The following SLC8B1 variants were observed in gnomAD, a reference collection of about 807,000 sequenced individuals.
The protein encoded by SLC8B1 is mitochondrial sodium/calcium exchanger protein.
SLC8B1 carries 52 observed loss-of-function variants against 63.4 expected under a neutral mutation model. The ratio of observed to expected loss-of-function variants is 0.82; its 90% CI spans 0.66 to 1.03. The LOEUF is 1.03. SLC8B1 is among the 50% of genes least tolerant of loss of function. SLC8B1 has a pLI of 0.00. For synonymous variants in SLC8B1, 336 were observed against 323.9 expected, an observed-to-expected ratio of 1.04 and a Z score of -0.40; for missense variants, 657 against 741.7, an observed-to-expected ratio of 0.89 and a Z score of 1.33.
intron 10 of SLC8B1, 108 bp downstream of exon 10, chr12:113,316,418 G>A: frequency 1.5e-6 from 2 of 1,365,508 alleles, no homozygotes; most frequent in Non-Finnish European, 1.0e-6. Context: ...ATTCTGAGAG[G>A]GTCTCAGTGG....
rs564888747 is a variant in SLC8B1, at chr12:113,306,716, G to A, written c.1412-141C>T. ...AAGTGTGCCTGGGCACTAGCTGGTG[G>A]GGTGCTGTGTGAGGGGGCACAGCAT... On this transcript the variant is annotated intron_variant, in intron 13 of 15. Coordinates refer to ENST00000680972, the MANE Select transcript of SLC8B1 (RefSeq NM_001358345.2). 8.7e-5 allele frequency: 59 copies of A among 677,610 alleles called. 2 individuals carry two copies. The South Asian group carries it at 1.0e-3, about 12-fold the overall frequency. 42.0% of individuals were successfully genotyped at this position (677,610 alleles called of 1,614,324 possible).
intron 2 of SLC8B1, among the ~76,000 whole-genome samples, chr12:113,328,432 A>G (rs576693979): frequency 2.4e-4 from 37 of 152,020 alleles, no homozygotes; most frequent in East Asian, 5.8e-4. Flanking sequence ...CCTACCCCCA[A>G]TCTTACCAGA....
At position 113,305,167 on chromosome 12, in the gene SLC8B1, G is replaced by A. The variant is rs1956654561; in HGVS notation, c.1493-782C>T. 6.6e-6 allele frequency among the ~76,000 whole-genome samples: 1 copy of A among 152,212 alleles called. No individual in the cohort carries two copies. Among genetic ancestry groups the A allele is most frequent in the South Asian group, 2.1e-4 (1 of 4,826 alleles). ...AGAGGGAACTGGTGATAGTGTGTGG[G>A]CCGAGGCCATCTCTAGGGGTCGTTC... On this transcript the variant is annotated intron_variant, in intron 14 of 15. Transcript: ENST00000680972. This position sits in a 1 kb window ranked among gnomAD's most constrained non-coding sequence, Gnocchi z 4.3.
At chr12:113,314,221 T>C (rs1593246655) in intron 11 of SLC8B1, among the ~76,000 whole-genome samples, 1 of 152,130 alleles carries the variant, frequency 6.6e-6, no homozygotes, top group Non-Finnish European at 1.5e-5. Flanking sequence ...TCTCCTCCTA[T>C]CTCCTTCCCT....
At chr12:113,318,378 G>C (rs1566236511) in intron 8 of SLC8B1, among the ~76,000 whole-genome samples, 1 of 151,668 alleles carries the variant, frequency 6.6e-6, no homozygotes, top group East Asian at 1.9e-4. Context: ...TGTGTGTGTT[G>C]TATATGTGTG....
Position 113,320,660 on chromosome 12 carries a change from A to G in SLC8B1, c.447T>C (p.Asn149=). Residue 149 remains asparagine (N), a synonymous_variant, in exon 6 of 16, where the codon AAT becomes AAC. Transcript: ENST00000680972. The surrounding 1 kb of genome is among the most constrained non-coding windows in gnomAD (Gnocchi z 5.3). Reference sequence around the variant, plus strand: ...GGGCACTGAAGATGTCAGGTGCACCATTCCCAAATGCCAGGAAGGTGACGC... The same window carrying G: ...GGGCACTGAAGATGTCAGGTGCACCGTTCCCAAATGCCAGGAAGGTGACGC... ...VAGVTFLAFG[N]GAPDIFSALV... The G allele has an allele frequency of 6.2e-7, 1 of 1,613,994 alleles. No individual in the cohort carries two copies. Among genetic ancestry groups the G allele is most frequent in the Non-Finnish European group, 8.5e-7 (1 of 1,179,986 alleles).
chr12:113,303,189 C>T (rs1956622723), intron 15 of SLC8B1, among the ~76,000 whole-genome samples: 1 of 151,886 alleles, frequency 6.6e-6, no homozygotes, highest in African/African-American at 2.4e-5. Context: ...GAGGAGCCAA[C>T]CCTAAAGCCT....
intron 13 of SLC8B1, 191 bp from the exon 14 acceptor site, chr12:113,306,766 A>C: frequency 1.7e-6 from 1 of 576,400 alleles, no homozygotes. Context: ...TTCCCTCCTT[A>C]ATTCCTTTAC....
rs543008309 is a variant in SLC8B1, at chr12:113,305,266, T to A, written c.1493-881A>T. Among the ~76,000 whole-genome samples the A allele has an allele frequency of 1.3e-5, 2 of 152,190 alleles. No homozygotes were observed. Among genetic ancestry groups the A allele is most frequent in the African/African-American group, 4.8e-5 (2 of 41,462 alleles). ...CCCGAAAGCCAGGAGTAGGCCTCAG[T>A]GGGCGCAAAAGGGCCACCAAGGGCC... On this transcript the variant is annotated intron_variant, in intron 14 of 15. Coordinates refer to ENST00000680972, the MANE Select transcript of SLC8B1 (RefSeq NM_001358345.2). This position sits in a 1 kb window ranked among gnomAD's most constrained non-coding sequence, Gnocchi z 4.3.
chr12:113,306,248 C>T (rs138884359), intron 14 of SLC8B1, among the ~76,000 whole-genome samples: 71 of 152,238 alleles, frequency 4.7e-4, no homozygotes, highest in African/African-American at 1.7e-3. Flanking sequence ...ACAATAATAG[C>T]TGCTGTCTGC....
At chr12:113,323,000 A>C (rs1956951968) in intron 2 of SLC8B1, among the ~76,000 whole-genome samples, 1 of 152,166 alleles carries the variant, frequency 6.6e-6, no homozygotes, top group Non-Finnish European at 1.5e-5. Context: ...CAGAGAAGGG[A>C]TAGCTGCCAA....
At chr12:113,318,491 AGTT>A (rs900148763) in intron 8 of SLC8B1, among the ~76,000 whole-genome samples, 3 of 148,192 alleles carry the variant, frequency 2.0e-5, no homozygotes, top group Non-Finnish European at 4.5e-5. Flanking sequence ...TACATGTGTG[AGTT>A]GTGTGTGTGC....
Position 113,304,307 on chromosome 12 carries a change from C to A in SLC8B1, c.1557+14G>T, listed in dbSNP as rs368624609. On this transcript the variant is annotated intron_variant, in intron 15 of 15. Coordinates refer to ENST00000680972, the MANE Select transcript of SLC8B1 (RefSeq NM_001358345.2). Reference sequence around the variant, plus strand: ...TTGGTTATATACACTTGTAAACTTACAAGGAATACTCACCTTCACTTCTGT... The same window carrying A: ...TTGGTTATATACACTTGTAAACTTAAAAGGAATACTCACCTTCACTTCTGT... 2.1e-5 allele frequency: 34 copies of A among 1,613,418 alleles called. No homozygotes were observed. Among genetic ancestry groups the A allele is most frequent in the African/African-American group, 9.3e-5 (7 of 75,032 alleles).
rs763975993 is a variant in SLC8B1, at chr12:113,313,327, TAA to T, written c.1135+2006_1135+2007del. ...GGTTTCCTTTTCAACAAATTTGCCT[TAA>T]AAAAAAAAAAAAAGTCTGAAGCTGG... On this transcript the variant is annotated intron_variant, in intron 11 of 15. Transcript: ENST00000680972. Among the ~76,000 whole-genome samples, 596 of 140,244 alleles carry T rather than the reference TAA, an allele frequency of 4.2e-3. 5 individuals carry two copies. The highest frequency in any genetic ancestry group is 0.015 in the African/African-American group (558 of 38,380). 92.0% of individuals were successfully genotyped at this position (140,244 alleles called of 152,430 possible).
At chr12:113,306,609 G>C (rs1382411407) in intron 13 of SLC8B1, 34 bp from the exon 14 acceptor site, 2 of 1,583,142 alleles carry the variant, frequency 1.3e-6, no homozygotes, top group South Asian at 2.2e-5. Context: ...GCAGTGGTGA[G>C]TCGCTTCCCC....
chr12:113,313,925 A>G (rs1956797173), intron 11 of SLC8B1, among the ~76,000 whole-genome samples: 1 of 151,952 alleles, frequency 6.6e-6, no homozygotes, highest in Non-Finnish European at 1.5e-5. Flanking sequence ...CAGGAGAATC[A>G]CTTGAGCCCT....
Position 113,334,815 on chromosome 12 carries a change from A to C in SLC8B1, c.-455T>G, listed in dbSNP as rs1483381010. 6.6e-6 allele frequency: 1 copy of C among 152,196 alleles called. No individual in the cohort carries two copies. Among genetic ancestry groups the C allele is most frequent in the Non-Finnish European group, 1.5e-5 (1 of 68,030 alleles). The allele number at this position is 152,196 out of a possible 1,614,324, so 9.4% of individuals were successfully genotyped here. On this transcript the variant is annotated 5_prime_UTR_variant, in exon 1 of 16. Transcript: ENST00000680972. ...CTTCTGTACGCGTGGGCCGATGCCCAGCGCTCGGATGGTCGCCGACCTGCT... is the reference window on the plus strand; with the variant it reads ...CTTCTGTACGCGTGGGCCGATGCCCCGCGCTCGGATGGTCGCCGACCTGCT...
intron 8 of SLC8B1, among the ~76,000 whole-genome samples, chr12:113,317,587 T>C (rs1045647428): frequency 3.9e-5 from 6 of 152,200 alleles, no homozygotes; most frequent in African/African-American, 1.4e-4. Context: ...CTGGAACCCA[T>C]ACTATTTTTC....
At position 113,305,098 on chromosome 12, in the gene SLC8B1, G is replaced by C. The variant is rs1290936254; in HGVS notation, c.1493-713C>G. 6.6e-6 allele frequency among the ~76,000 whole-genome samples: 1 copy of C among 152,190 alleles called. No individual in the cohort carries two copies. The highest frequency in any genetic ancestry group is 1.5e-5 in the Non-Finnish European group (1 of 68,020). On this transcript the variant is annotated intron_variant, in intron 14 of 15. Transcript: ENST00000680972. This position sits in a 1 kb window ranked among gnomAD's most constrained non-coding sequence, Gnocchi z 4.3. ...GCGCATGTAAGCACTCAGTAGGTGG[G>C]GAAACCGAGGCCAGGAGAGATGAAG...
Sources: allele counts gnomAD v4.1 joint callset (sites outside exome capture counted in the v4.1 genomes callset), GRCh38; gene constraint gnomAD v4.1.1; non-coding constraint Gnocchi (gnomAD v3.1); transcripts MANE v1.5; gene names NCBI Gene and HGNC (gene_info 2026-07-23, HGNC 2026-07-21).